The following CSMD1 variants were observed in gnomAD, a reference collection of about 807,000 sequenced individuals.
The protein encoded by CSMD1 is CUB and sushi domain-containing protein 1.
CSMD1 carries 213 observed loss-of-function variants against 417.5 expected under a neutral mutation model. That is an observed-to-expected ratio of 0.51 (90% confidence interval 0.46 to 0.57). The LOEUF (loss-of-function observed/expected upper bound fraction) is 0.57, where lower values mean the gene tolerates loss of function less well. Ranked by LOEUF, CSMD1 falls within the 20% of genes least tolerant of loss-of-function variation. The pLI, the probability that CSMD1 is intolerant of heterozygous loss-of-function variation, is 0.00. For synonymous variants in CSMD1, 2,862 were observed against 1,736.8 expected, an observed-to-expected ratio of 1.65 and a Z score of -16.11; for missense variants, 6,923 against 4,529.7, an observed-to-expected ratio of 1.53 and a Z score of -15.17.
chr8:3,637,483 T>G (rs754480379), intron 7 of CSMD1, among the ~76,000 whole-genome samples: 41 of 152,212 alleles, frequency 2.7e-4, no homozygotes, highest in Non-Finnish European at 4.7e-4. Context: ...GCTTCAGAAT[T>G]GTTCTTCTTT....
chr8:4,538,939 C>A (rs1384186178), intron 2 of CSMD1, among the ~76,000 whole-genome samples: 1 of 152,138 alleles, frequency 6.6e-6, no homozygotes, highest in East Asian at 1.9e-4. Flanking sequence ...ATGCAGAAAG[C>A]TTTATTTTTT....
At chr8:3,820,884 A>G (rs1488128742) in intron 5 of CSMD1, among the ~76,000 whole-genome samples, 1 of 151,344 alleles carries the variant, frequency 6.6e-6, no homozygotes, top group Non-Finnish European at 1.5e-5. Context: ...TCTTCGGAAT[A>G]CCTCCTTAAG....
intron 3 of CSMD1, among the ~76,000 whole-genome samples, chr8:4,407,484 T>C (rs1306981415): frequency 2.6e-5 from 4 of 152,210 alleles, no homozygotes; most frequent in African/African-American, 9.6e-5. Context: ...TTGTATATAA[T>C]AAATTTCATT....
intron 5 of CSMD1, among the ~76,000 whole-genome samples, chr8:3,814,948 C>G (rs2929496): frequency 1.3e-5 from 2 of 151,818 alleles, no homozygotes; most frequent in Non-Finnish European, 2.9e-5. Flanking sequence ...TCAGCCATCC[C>G]AAAAAAATGA....
At chr8:4,136,278 C>A (rs1803429187) in intron 3 of CSMD1, among the ~76,000 whole-genome samples, 1 of 152,214 alleles carries the variant, frequency 6.6e-6, no homozygotes, top group Non-Finnish European at 1.5e-5. Flanking sequence ...CAGTCAGGAA[C>A]ACACAGGGAC....
chr8:3,836,738 T>G (rs1264204856), intron 5 of CSMD1, among the ~76,000 whole-genome samples: 1 of 152,074 alleles, frequency 6.6e-6, no homozygotes, highest in African/African-American at 2.4e-5. Context: ...CAAGAGACAA[T>G]GAAATTCAGG....
intron 37 of CSMD1, among the ~76,000 whole-genome samples, chr8:3,166,462 A>G (rs948875597): frequency 6.6e-6 from 1 of 152,144 alleles, no homozygotes; most frequent in Admixed American, 6.5e-5. Context: ...TGAACCTGGG[A>G]AGCAGAGGTT....
intron 1 of CSMD1, among the ~76,000 whole-genome samples, chr8:4,925,239 T>TTC: frequency 6.9e-6 from 1 of 145,564 alleles, no homozygotes; most frequent in South Asian, 2.2e-4. Context: ...TTTTTTTTTT[T>TTC]TGCAGTGTGG....
chr8:3,205,638 C>A lies in CSMD1; in HGVS notation c.4868-18G>T, dbSNP rs555943933. On this transcript the variant is annotated intron_variant, in intron 30 of 69. Transcript: ENST00000635120. ...ACAGGGAGCTGAAAATAAAATCAAC[C>A]GAGAATTAGTCGCTGTGCAATAATA... The A allele has an allele frequency of 7.0e-6, 9 of 1,289,428 alleles. No individual in the cohort carries two copies. In the African/African-American group the frequency reaches 8.8e-5, roughly 13 times the overall value. The allele number at this position is 1,289,428 out of a possible 1,614,324, so 79.9% of individuals were successfully genotyped here.
At chr8:4,132,356 T>C (rs1803162145) in intron 3 of CSMD1, among the ~76,000 whole-genome samples, 1 of 152,212 alleles carries the variant, frequency 6.6e-6, no homozygotes, top group Admixed American at 6.5e-5. Context: ...TCTGTATTTC[T>C]TGTAGAATAC....
chr8:4,467,552 G>T (rs746207996), intron 2 of CSMD1, among the ~76,000 whole-genome samples: 1 of 152,100 alleles, frequency 6.6e-6, no homozygotes, highest in East Asian at 1.9e-4. Context: ...TAAACCTGTT[G>T]AAAAATTGTT....
chr8:4,180,815 T>C (rs1423552504), intron 3 of CSMD1, among the ~76,000 whole-genome samples: 1 of 152,062 alleles, frequency 6.6e-6, no homozygotes, highest in Non-Finnish European at 1.5e-5. Context: ...AGTTCACAAA[T>C]CCAACCAACC....
chr8:4,598,015 G>A (rs555315009), intron 2 of CSMD1, among the ~76,000 whole-genome samples: 2 of 151,398 alleles, frequency 1.3e-5, no homozygotes, highest in South Asian at 2.1e-4. Flanking sequence ...ATAGATATAA[G>A]GTTCTTTAGA....
At chr8:3,727,572 T>A (rs938851546) in intron 6 of CSMD1, among the ~76,000 whole-genome samples, 2 of 152,078 alleles carry the variant, frequency 1.3e-5, no homozygotes, top group African/African-American at 4.8e-5. Context: ...CTCGAAAAAA[T>A]ACTAATAAAA....
chr8:3,359,555 A>G (rs1809019391), intron 20 of CSMD1, among the ~76,000 whole-genome samples: 1 of 144,002 alleles, frequency 6.9e-6, no homozygotes, highest in Admixed American at 6.9e-5. Context: ...TTTTTTTTTA[A>G]GAATTGACAG....
At chr8:3,233,768 T>C (rs990285515) in intron 26 of CSMD1, among the ~76,000 whole-genome samples, 5 of 152,222 alleles carry the variant, frequency 3.3e-5, no homozygotes, top group Admixed American at 2.0e-4. Context: ...ACTTGACTTA[T>C]GGTAATTCTT....
chr8:3,931,519 A>C (rs557441967), intron 5 of CSMD1, among the ~76,000 whole-genome samples: 1 of 150,320 alleles, frequency 6.7e-6, no homozygotes, highest in African/African-American at 2.5e-5. Flanking sequence ...CTCCAATTTC[A>C]TTGAATTACA....
At chr8:3,642,770 C>T (rs1409675806) in intron 7 of CSMD1, among the ~76,000 whole-genome samples, 6 of 152,046 alleles carry the variant, frequency 3.9e-5, no homozygotes, top group African/African-American at 4.8e-5. Context: ...AGGCAATAAA[C>T]GCATTTCATG....
At chr8:2,985,833 G>A (rs914919610) in intron 54 of CSMD1, among the ~76,000 whole-genome samples, 2 of 151,836 alleles carry the variant, frequency 1.3e-5, no homozygotes, top group African/African-American at 4.8e-5. Flanking sequence ...CAAGGAAACC[G>A]GAAATGTGCT....
Sources: gnomAD v4.1 joint callset for allele counts (sites outside exome capture counted in the v4.1 genomes callset) on GRCh38, gnomAD v4.1.1 for gene constraint, MANE v1.5 for transcripts, NCBI Gene and HGNC (gene_info 2026-07-23, HGNC 2026-07-21) for gene names.